CAPN13: variants seen among roughly 807,000 people sequenced by gnomAD.
The protein encoded by CAPN13 is calpain 13, also known as calpain-13.
CAPN13 carries 90 observed loss-of-function variants against 98.4 expected under a neutral mutation model. That is an observed-to-expected ratio of 0.92 (90% confidence interval 0.77 to 1.09). The LOEUF is 1.09. Among genes scored for constraint, CAPN13 ranks in the 50% least tolerant of loss-of-function variants. The probability of loss-of-function intolerance (pLI) is 0.00; values close to 1 mark genes in which losing one functional copy is unlikely to be tolerated. For missense variants in CAPN13, 887 were observed against 841.3 expected, an observed-to-expected ratio of 1.05 and a Z score of -0.67; for synonymous variants, 330 against 305.5, an observed-to-expected ratio of 1.08 and a Z score of -0.84.
Position 30,782,639 on chromosome 2 carries a change from C to G in CAPN13, c.198+4489G>C, listed in dbSNP as rs1038944222. ...GAAGATGTCACTGGGATAGGCAGTGCCTCCCTCTAGGATGGCCACAGGCGG... is the reference window on the plus strand; with the variant it reads ...GAAGATGTCACTGGGATAGGCAGTGGCTCCCTCTAGGATGGCCACAGGCGG... On this transcript the variant is annotated intron_variant, in intron 2 of 22. Coordinates refer to ENST00000295055, the MANE Select transcript of CAPN13 (RefSeq NM_144575.3). 9.9e-5 allele frequency among the ~76,000 whole-genome samples: 15 copies of G among 152,228 alleles called. 1 individual carries two copies. The highest frequency in any genetic ancestry group is 1.9e-4 in the Non-Finnish European group (13 of 68,046).
chr2:30,760,962 A>G (rs1161745561), intron 7 of CAPN13, among the ~76,000 whole-genome samples: 1 of 152,178 alleles, frequency 6.6e-6, no homozygotes, highest in Non-Finnish European at 1.5e-5. Flanking sequence ...TACTTCCTCA[A>G]ATGAATTATC....
chr2:30,763,124 C>A lies in CAPN13; in HGVS notation c.732G>T (p.Gly244=). ...PTDTAQAMEN[G]LVSLHAYTVT... ...CAGTGTAGGCATGGAGACTCACCAG[C>A]CCATTCTCCATCGCCTGTGCTGTAT... Residue 244 remains glycine (G), a synonymous_variant, in exon 7 of 23, where the codon GGG becomes GGT. Transcript: ENST00000295055. 6.2e-7 allele frequency: 1 copy of A among 1,611,582 alleles called. No homozygotes were observed. Among genetic ancestry groups the A allele is most frequent in the Non-Finnish European group, 8.5e-7 (1 of 1,179,040 alleles).
chr2:30,759,265 G>T (rs1304805030), intron 7 of CAPN13, among the ~76,000 whole-genome samples: 1 of 147,412 alleles, frequency 6.8e-6, no homozygotes, highest in African/African-American at 2.5e-5. Context: ...TTTTCTTCCT[G>T]CCCCCTGTCT....
chr2:30,724,062 T>C (rs532574110), intron 22 of CAPN13, among the ~76,000 whole-genome samples: 132 of 152,360 alleles, frequency 8.7e-4, no homozygotes, highest in Middle Eastern at 3.4e-3. Flanking sequence ...CCTATTGACT[T>C]CTTATGATGC....
intron 17 of CAPN13, chr2:30,738,005 A>ACC (rs56098503): frequency 3.9e-5 from 20 of 513,066 alleles, no homozygotes; most frequent in African/African-American, 2.2e-4. Flanking sequence ...ACACACACAC[A>ACC]CCCCAGTACA....
chr2:30,746,709 T>C, intron 11 of CAPN13: 1 of 177,280 alleles, frequency 5.6e-6, no homozygotes, highest in South Asian at 1.2e-4. Flanking sequence ...TCCTCTTCCT[T>C]GTGTGGCCTG....
intron 1 of CAPN13, among the ~76,000 whole-genome samples, chr2:30,791,646 C>T (rs1449140765): frequency 2.0e-5 from 3 of 152,238 alleles, no homozygotes; most frequent in African/African-American, 7.2e-5. Flanking sequence ...CTTTTATTAA[C>T]ATTTCATGGA....
rs1327278560 is a variant in CAPN13 at position 30,734,674 on chromosome 2, G to C, written c.1723-150C>G. The C allele has an allele frequency of 1.0e-5, 7 of 670,926 alleles. No individual in the cohort carries two copies. In the East Asian group the frequency reaches 1.6e-4, roughly 16 times the overall value. The allele number at this position is 670,926 out of a possible 1,614,324, so 41.6% of individuals were successfully genotyped here. On this transcript the variant is annotated intron_variant, in intron 18 of 22. Coordinates refer to ENST00000295055, the MANE Select transcript of CAPN13 (RefSeq NM_144575.3). ...GGAGGACACAGTGGCCACACCTGGT[G>C]AACTGACCATCCTGGCTGCCCGCTG...
intron 1 of CAPN13, among the ~76,000 whole-genome samples, chr2:30,789,030 C>T (rs1674472179): frequency 6.6e-6 from 1 of 152,064 alleles, no homozygotes. Context: ...TTTAGTTTAA[C>T]CTAATACACA....
intron 22 of CAPN13, chr2:30,729,863 C>T (rs779667793): frequency 1.3e-5 from 2 of 152,156 alleles, no homozygotes; most frequent in Non-Finnish European, 2.9e-5. Context: ...TATATTGGCA[C>T]ATAGAGAATG....
chr2:30,759,243 C>T (rs1354608461), intron 7 of CAPN13, among the ~76,000 whole-genome samples: 2 of 151,578 alleles, frequency 1.3e-5, no homozygotes, highest in Non-Finnish European at 2.9e-5. Flanking sequence ...CCCTCCTTTC[C>T]TCCTTCCTTT....
chr2:30,747,536 C>T (rs745662399), intron 11 of CAPN13, among the ~76,000 whole-genome samples: 1 of 152,174 alleles, frequency 6.6e-6, no homozygotes, highest in Non-Finnish European at 1.5e-5. Context: ...GCTCATCCAC[C>T]CTCATCCTTT....
intron 2 of CAPN13, among the ~76,000 whole-genome samples, chr2:30,783,847 C>A (rs1558336873): frequency 6.6e-6 from 1 of 152,172 alleles, no homozygotes; most frequent in Non-Finnish European, 1.5e-5. Context: ...ACTCAGCAAG[C>A]TATAGCTTGG....
At chr2:30,731,159 T>C (rs1331102129) in intron 21 of CAPN13, among the ~76,000 whole-genome samples, 185 bp downstream of exon 21, 1 of 152,220 alleles carries the variant, frequency 6.6e-6, no homozygotes, top group Non-Finnish European at 1.5e-5. Flanking sequence ...AAAATCTGTC[T>C]GCCAAGATCC....
chr2:30,767,822 G>A lies in CAPN13; in HGVS notation c.524+2491C>T, dbSNP rs943379333. On this transcript the variant is annotated intron_variant, in intron 5 of 22. Transcript: ENST00000295055. ...TCCAGAAGGACAGGGGTGGACTGTG[G>A]TGCTATCACCACCTCTAGGGCCCAG... Among the ~76,000 whole-genome samples the A allele has an allele frequency of 2.0e-5, 3 of 152,322 alleles. No homozygotes were observed. The East Asian group carries it at 5.8e-4, about 29-fold the overall frequency.
At chr2:30,777,923 T>G (rs1043455255) in intron 2 of CAPN13, among the ~76,000 whole-genome samples, 1 of 152,184 alleles carries the variant, frequency 6.6e-6, no homozygotes, top group Non-Finnish European at 1.5e-5. Context: ...AAATAGCCAT[T>G]CCATCTCGAC....
chr2:30,767,963 A>C (rs1287592552), intron 5 of CAPN13, among the ~76,000 whole-genome samples: 1 of 152,154 alleles, frequency 6.6e-6, no homozygotes, highest in East Asian at 1.9e-4. Context: ...CTCATCACAA[A>C]TGGAGACTCA....
intron 2 of CAPN13, among the ~76,000 whole-genome samples, chr2:30,786,056 G>C (rs1011487458): frequency 6.6e-6 from 1 of 152,116 alleles, no homozygotes. Context: ...CCCAGAGCCT[G>C]ATGTCTTCAG....
chr2:30,788,293 C>T (rs1485409130), intron 1 of CAPN13, among the ~76,000 whole-genome samples: 1 of 152,132 alleles, frequency 6.6e-6, no homozygotes, highest in African/African-American at 2.4e-5. Flanking sequence ...TTTGACCTAA[C>T]CAACTGAGCA....
Sources: allele counts gnomAD v4.1 joint callset (sites outside exome capture counted in the v4.1 genomes callset), GRCh38; gene constraint gnomAD v4.1.1; transcripts MANE v1.5; gene names NCBI Gene and HGNC (gene_info 2026-07-23, HGNC 2026-07-21).